Variants in LTBP4 observed in about 807,000 individuals in gnomAD.
The protein encoded by LTBP4 is latent-transforming growth factor beta-binding protein 4.
A neutral mutation model predicts 180.2 loss-of-function variants in LTBP4; 93 were observed. That is an observed-to-expected ratio of 0.52 (90% CI 0.44 to 0.61). The LOEUF (loss-of-function observed/expected upper bound fraction) is 0.61. LTBP4 is among the 20% of genes least tolerant of loss of function. The pLI, the probability that LTBP4 is intolerant of heterozygous loss-of-function variation, is 0.00. For missense variants in LTBP4, 2,116 were observed against 2,256.5 expected (o/e 0.94, Z 1.26); for synonymous variants, 947 against 934.5 (o/e 1.01, Z -0.24).
Position 40,627,231 on chromosome 19 carries a change from C to A in LTBP4, c.4242C>A (p.Gly1414=). The A allele has an allele frequency of 1.2e-6, 2 of 1,602,834 alleles. No individual in the cohort carries two copies. Among genetic ancestry groups the A allele is most frequent in the South Asian group, 1.1e-5 (1 of 89,602 alleles). ...FDMPDFEDDG[G]PYGESEAPAP... is the part of the protein sequence containing the mutation. The stretch of plus-strand genomic sequence containing the variant: ...TGCCAGACTTTGAGGACGATGGTGG[C>A]CCCTATGGCGAATCTGAGGCTCCTG... The change falls in exon 28 of 30, where the codon GGC becomes GGA. Residue 1414 remains glycine (G), a synonymous_variant. Coordinates refer to ENST00000396819, the MANE Select transcript of LTBP4 (RefSeq NM_001042545.2).
chr19:40,625,291 TA>T (rs1568414475), intron 26 of LTBP4, among the ~76,000 whole-genome samples: 134 of 11,432 alleles, frequency 0.012, 39 homozygotes, highest in African/African-American at 0.043. Flanking sequence ...TATATATATA[TA>T]TATATATATA....
chr19:40,617,376 G>C, intron 21 of LTBP4, 151 bp downstream of exon 21: 2 of 688,880 alleles, frequency 2.9e-6, no homozygotes, highest in Non-Finnish European at 3.6e-6. Flanking sequence ...AGGCACGGTG[G>C]CTCACGCCTG....
chr19:40,620,767 CAA>C (rs57662483), intron 22 of LTBP4, among the ~76,000 whole-genome samples: 12,767 of 100,096 alleles, frequency 0.13, 504 homozygotes, highest in South Asian at 0.2. Context: ...GACTCCGTCC[CAA>C]AAAAAAAAAA....
chr19:40,621,251 A>G (rs898441382), intron 22 of LTBP4, among the ~76,000 whole-genome samples: 1 of 152,054 alleles, frequency 6.6e-6, no homozygotes, highest in Admixed American at 6.6e-5. Flanking sequence ...CCCAACAGCC[A>G]GTTTTTCAAC....
rs773539930 is a variant in LTBP4 at position 40,623,033 on chromosome 19, C to A, written c.3556+12C>A. The A allele has an allele frequency of 3.8e-6, 6 of 1,599,078 alleles. No individual in the cohort carries two copies. The Admixed American group carries it at 8.6e-5, about 23-fold the overall frequency. Reference sequence around the variant, plus strand: ...GAGCCTCCGGAGAGGTGAGGCCAGCCTTTGACCCTCCACCCCACTCAGCTC... The same window carrying A: ...GAGCCTCCGGAGAGGTGAGGCCAGCATTTGACCCTCCACCCCACTCAGCTC... On this transcript the variant is annotated intron_variant, in intron 24 of 29. Transcript: ENST00000396819.
At chr19:40,600,199 C>A (rs936004723), upstream of LTBP4, 17 of 1,226,474 alleles carry the variant, frequency 1.4e-5, no homozygotes, top group African/African-American at 2.5e-4. This position sits in a 1 kb window ranked among gnomAD's most constrained non-coding sequence, Gnocchi z 4.4. Flanking sequence ...CGCCTTTCCT[C>A]CGCCTGGGGC....
At chr19:40,599,352 G>A, upstream of LTBP4, 1 of 1,610,902 alleles carries the variant, frequency 6.2e-7, no homozygotes, top group Non-Finnish European at 8.5e-7. Context: ...CAGTGGGAGA[G>A]CTGGATGCAT....
upstream of LTBP4, chr19:40,599,566 C>A (rs765070789): frequency 6.2e-7 from 1 of 1,602,752 alleles, no homozygotes; most frequent in South Asian, 1.1e-5. Flanking sequence ...CGTGAGTGGG[C>A]AGTCCCTCCC....
chr19:40,616,960 T>C lies in LTBP4; in HGVS notation c.2884T>C (p.Tyr962His). 6.2e-7 allele frequency: 1 copy of C among 1,614,014 alleles called. No individual in the cohort carries two copies. Among genetic ancestry groups the C allele is most frequent in the Non-Finnish European group, 8.5e-7 (1 of 1,179,898 alleles). ...GCGTTGTGAGAACACCCCTGGCTCC[T>C]ACCGCTGCACACCAGCCTGTGACCC... is the stretch of plus-strand genomic sequence containing the variant. ...AQRCENTPGS[Y>H]RCTPACDPGY... The change falls in exon 20 of 30, where the codon TAC (tyrosine) becomes CAC (histidine). Residue 962 changes from tyrosine to histidine, a missense_variant. Tyr to His is a moderately conservative substitution (Grantham distance 83). This residue lies in a region of LTBP4 where 877 missense variants were observed against 873.6 expected (regional missense o/e 1.00). Transcript: ENST00000396819.
Position 40,607,389 on chromosome 19 carries a change from A to T in LTBP4, c.1016A>T (p.Lys339Ile). The T allele has an allele frequency of 6.2e-7, 1 of 1,613,014 alleles. No individual in the cohort carries two copies. Among genetic ancestry groups the T allele is most frequent in the Non-Finnish European group, 8.5e-7 (1 of 1,179,604 alleles). Reference sequence around the variant, plus strand: ...GCCCAACACGTGATCTCAGAGGCCAAAGGGCCCTGCTTCCGCGTGCTCCGC... The same window carrying T: ...GCCCAACACGTGATCTCAGAGGCCATAGGGCCCTGCTTCCGCGTGCTCCGC... Reference protein sequence around the residue: ...CISQHVISEAKGPCFRVLRDG... With the variant: ...CISQHVISEAIGPCFRVLRDG... The change falls in exon 7 of 30, where the codon AAA (lysine) becomes ATA (isoleucine). Residue 339 changes from lysine to isoleucine, a missense_variant. This residue lies in a region of LTBP4 where 469 missense variants were observed against 532.5 expected (regional missense o/e 0.88). Coordinates refer to ENST00000396819, the MANE Select transcript of LTBP4 (RefSeq NM_001042545.2).
intron 6 of LTBP4, 87 bp downstream of exon 6, chr19:40,606,613 G>A (rs563292951): frequency 2.0e-6 from 3 of 1,488,626 alleles, no homozygotes; most frequent in African/African-American, 2.8e-5. Context: ...TAATTCCCTC[G>A]GACCCCCCCA....
In LTBP4 at chr19:40,611,130, C is replaced by A. The variant is rs1599866153; in HGVS notation, c.1811-22C>A. 1.2e-6 allele frequency: 2 copies of A among 1,610,964 alleles called. No individual in the cohort carries two copies. Among genetic ancestry groups the A allele is most frequent in the African/African-American group, 1.3e-5 (1 of 74,950 alleles). ...GGGAGGCAGAGGGGAACAAGTGACC[C>A]CGGGCCCCCTGCCCTGTGCAGATGT... On this transcript the variant is annotated intron_variant, in intron 12 of 29. Coordinates refer to ENST00000396819, the MANE Select transcript of LTBP4 (RefSeq NM_001042545.2). This position sits in a 1 kb window ranked among gnomAD's most constrained non-coding sequence, Gnocchi z 4.4.
Sources: allele counts gnomAD v4.1 joint callset (sites outside exome capture counted in the v4.1 genomes callset), GRCh38; gene constraint gnomAD v4.1.1; regional missense constraint gnomAD v4.1.1; non-coding constraint Gnocchi (gnomAD v3.1); transcripts MANE v1.5; gene names NCBI Gene and HGNC (gene_info 2026-07-23, HGNC 2026-07-21).